CBFB: variants seen among roughly 807,000 people sequenced by gnomAD.
CBFB encodes CBF-beta.
In CBFB, 9 loss-of-function variants were observed where a neutral mutation model predicts 30.4. That is an observed-to-expected ratio of 0.30 (90% CI 0.18 to 0.52). The LOEUF (loss-of-function observed/expected upper bound fraction) is 0.52. Ranked by LOEUF, CBFB falls within the 20% of genes least tolerant of loss-of-function variation. CBFB has a pLI of 0.97. For synonymous variants in CBFB, 94 were observed against 84.0 expected, an observed-to-expected ratio of 1.12 and a Z score of -0.65; for missense variants, 170 against 244.0, an observed-to-expected ratio of 0.70 and a Z score of 2.02.
At chr16:67,093,055 CT>C (rs1308590163) in intron 5 of CBFB, among the ~76,000 whole-genome samples, 13 of 152,106 alleles carry the variant, frequency 8.5e-5, no homozygotes, top group African/African-American at 3.1e-4. Context: ...TCAAGCAGTT[CT>C]TGCCTCAGCC....
chr16:67,066,801 A>C lies in CBFB; in HGVS notation c.399+3A>C. ...AGTTTGATGAGGAGCGAGCCCAGGT[A>C]GGGTAACATCAGGCTTTATTGAGCA... is the stretch of plus-strand genomic sequence containing the variant. On this transcript the variant is annotated splice_donor_region_variant and intron_variant, in intron 4 of 5. Transcript: ENST00000412916. 1 of 1,547,090 alleles carries C rather than the reference A, an allele frequency of 6.5e-7. No homozygotes were observed. The highest frequency in any genetic ancestry group is 8.9e-7 in the Non-Finnish European group (1 of 1,121,526).
At chr16:67,053,316 C>G (rs1211409408) in intron 3 of CBFB, among the ~76,000 whole-genome samples, 1 of 138,080 alleles carries the variant, frequency 7.2e-6, no homozygotes, top group Admixed American at 7.9e-5. Context: ...TGCAGTGGTG[C>G]GATCTCGGCT....
intron 5 of CBFB, among the ~76,000 whole-genome samples, chr16:67,083,235 T>G (rs1012926067): frequency 1.3e-5 from 2 of 152,066 alleles, no homozygotes; most frequent in African/African-American, 4.8e-5. Flanking sequence ...CAGCAGCCCC[T>G]TCCATATATA....
chr16:67,047,610 A>G (rs1448680396), intron 3 of CBFB, among the ~76,000 whole-genome samples: 1 of 152,222 alleles, frequency 6.6e-6, no homozygotes, highest in Non-Finnish European at 1.5e-5. Context: ...TATAATAACA[A>G]TGATAGTTTC....
intron 4 of CBFB, among the ~76,000 whole-genome samples, chr16:67,071,362 G>GTTC (rs971251766): frequency 6.6e-6 from 1 of 152,110 alleles, no homozygotes; most frequent in African/African-American, 2.4e-5. Context: ...AGATAAAGGC[G>GTTC]TAAGAGTGGG....
chr16:67,094,046 C>G (rs1171668930), intron 5 of CBFB, among the ~76,000 whole-genome samples: 2 of 151,828 alleles, frequency 1.3e-5, no homozygotes, highest in East Asian at 3.9e-4. Context: ...TCCCTTCTAG[C>G]ATTAAATGTC....
At position 67,082,142 on chromosome 16, in the gene CBFB, A is replaced by G. The variant is rs545530436; in HGVS notation, c.400-71A>G. ...CCACTGTTTCAGGAAAAAAAAAAAA[A>G]AAACAAAACCCAAATATTGTATTTT... is the stretch of plus-strand genomic sequence containing the variant. On this transcript the variant is annotated intron_variant, in intron 4 of 5. Transcript: ENST00000412916. 111 of 1,322,282 alleles carry G rather than the reference A, an allele frequency of 8.4e-5. No homozygotes were observed. The East Asian group carries it at 2.8e-3, about 34-fold the overall frequency. 81.9% of individuals were successfully genotyped at this position (1,322,282 alleles called of 1,614,324 possible). A position where few individuals can be genotyped will look rare whatever the true frequency, so the allele number is the denominator to read the frequency against.
intron 2 of CBFB, among the ~76,000 whole-genome samples, chr16:67,034,769 A>AC (rs530377414): frequency 5.6e-4 from 85 of 152,232 alleles, no homozygotes; most frequent in Non-Finnish European, 9.6e-4. Context: ...AGGGATTTTG[A>AC]CACGGGGCAG....
At chr16:67,073,228 A>C (rs1346317601) in intron 4 of CBFB, among the ~76,000 whole-genome samples, 1 of 152,238 alleles carries the variant, frequency 6.6e-6, no homozygotes. Context: ...TTGTATAACT[A>C]TTTCAGCTGA....
chr16:67,075,431 A>T (rs1265226220), intron 4 of CBFB, among the ~76,000 whole-genome samples: 1 of 152,206 alleles, frequency 6.6e-6, no homozygotes, highest in African/African-American at 2.4e-5. Flanking sequence ...GAATGGTTCA[A>T]ATGAAGAAGA....
intron 3 of CBFB, among the ~76,000 whole-genome samples, chr16:67,062,684 C>T (rs1039367568): frequency 6.6e-6 from 1 of 151,488 alleles, no homozygotes; most frequent in South Asian, 2.1e-4. Context: ...CCCAGCCACT[C>T]GGGAGGCTGA....
chr16:67,070,804 TCACACCACTGC>T (rs1567617255), intron 4 of CBFB, among the ~76,000 whole-genome samples: 4 of 151,482 alleles, frequency 2.6e-5, no homozygotes, highest in Non-Finnish European at 1.5e-5. Flanking sequence ...TGAGCCGAGA[TCACACCACTGC>T]ACTCCAGCCT....
intron 3 of CBFB, among the ~76,000 whole-genome samples, chr16:67,061,801 G>A (rs1036640113): frequency 5.3e-5 from 8 of 152,088 alleles, no homozygotes; most frequent in African/African-American, 1.9e-4. Context: ...GGAGGCTGAG[G>A]CAGGCGGATC....
At chr16:67,075,799 G>T (rs376734639) in intron 4 of CBFB, among the ~76,000 whole-genome samples, 1 of 152,196 alleles carries the variant, frequency 6.6e-6, no homozygotes. Flanking sequence ...ATATGTGTGA[G>T]TTCCTCAAAA....
chr16:67,048,026 G>A (rs974363031), intron 3 of CBFB, among the ~76,000 whole-genome samples: 5 of 151,886 alleles, frequency 3.3e-5, no homozygotes, highest in Non-Finnish European at 5.9e-5. Flanking sequence ...CCAAGATCGC[G>A]CCACTGCACT....
chr16:67,074,178 G>A (rs1464561852), intron 4 of CBFB, among the ~76,000 whole-genome samples: 1 of 129,766 alleles, frequency 7.7e-6, no homozygotes, highest in African/African-American at 2.9e-5. Context: ...TACACCATCA[G>A]TTACATTTCT....
intron 5 of CBFB, among the ~76,000 whole-genome samples, chr16:67,084,905 T>C (rs1961677800): frequency 6.6e-6 from 1 of 152,226 alleles, no homozygotes. Flanking sequence ...CTGAGTTTCC[T>C]CATCTACAAA....
chr16:67,043,527 T>C (rs1180412319), intron 3 of CBFB, among the ~76,000 whole-genome samples: 1 of 152,170 alleles, frequency 6.6e-6, no homozygotes, highest in Non-Finnish European at 1.5e-5. Context: ...ATTTGAAACT[T>C]TTATACCCAG....
intron 3 of CBFB, among the ~76,000 whole-genome samples, chr16:67,051,006 G>T (rs971790856): frequency 3.3e-5 from 5 of 152,146 alleles, no homozygotes; most frequent in Non-Finnish European, 7.3e-5. Flanking sequence ...TAAAACTTAT[G>T]AATTGTTTAT....
Sources: gnomAD v4.1 joint callset for allele counts (sites outside exome capture counted in the v4.1 genomes callset) on GRCh38, gnomAD v4.1.1 for gene constraint, MANE v1.5 for transcripts, NCBI Gene and HGNC (gene_info 2026-07-23, HGNC 2026-07-21) for gene names.